Variants in CLIP4 observed in about 807,000 individuals in gnomAD.
The protein encoded by CLIP4 is CAP-Gly domain containing linker protein family member 4.
A neutral mutation model predicts 73.1 loss-of-function variants in CLIP4; 47 were observed. The observed-to-expected ratio is 0.64, with a 90% CI of 0.51 to 0.82. The LOEUF (loss-of-function observed/expected upper bound fraction) is 0.82. CLIP4 is among the 40% of genes least tolerant of loss of function. The pLI is 0.00. For missense variants in CLIP4, 874 were observed against 852.9 expected, an observed-to-expected ratio of 1.02 and a Z score of -0.31; for synonymous variants, 306 against 295.4, an observed-to-expected ratio of 1.04 and a Z score of -0.37.
chr2:29,140,663 C>G (rs1032431546), intron 6 of CLIP4, among the ~76,000 whole-genome samples: 1 of 152,152 alleles, frequency 6.6e-6, no homozygotes, highest in South Asian at 2.1e-4. Context: ...ACACTGACTT[C>G]CACAATGGTT....
In CLIP4 at chr2:29,174,415, A is replaced by G; in HGVS notation, c.1766A>G (p.Lys589Arg). 6.2e-7 allele frequency: 1 copy of G among 1,612,574 alleles called. No homozygotes were observed. Among genetic ancestry groups the G allele is most frequent in the Non-Finnish European group, 8.5e-7 (1 of 1,179,692 alleles). The stretch of plus-strand genomic sequence containing the variant: ...AGCACAACTTCTGCTTCTTCCCAAA[A>G]GGAGATTAACAGAAGAAATGCTTTT... ...SFSTTSASSQ[K>R]EINRRNAFSK... The change falls in exon 15 of 16, where the codon AAG (lysine) becomes AGG (arginine). Residue 589 changes from lysine (K) to arginine (R), a missense_variant. Transcript: ENST00000320081.
intron 14 of CLIP4, among the ~76,000 whole-genome samples, chr2:29,168,765 G>A (rs1486172154): frequency 3.3e-5 from 5 of 151,476 alleles, no homozygotes; most frequent in East Asian, 1.9e-4. Flanking sequence ...CTCATGATCC[G>A]CCTGCCTTGG....
At chr2:29,113,490 A>G (rs1177931378), upstream of CLIP4, among the ~76,000 whole-genome samples, 2 of 152,234 alleles carry the variant, frequency 1.3e-5, no homozygotes, top group Non-Finnish European at 2.9e-5. This position sits in a 1 kb window ranked among gnomAD's most constrained non-coding sequence, Gnocchi z 4.0. Context: ...GCATGACTCC[A>G]ACGAGCACTT....
intron 1 of CLIP4, among the ~76,000 whole-genome samples, chr2:29,107,779 T>C (rs1369918259): frequency 6.6e-6 from 1 of 151,156 alleles, no homozygotes; most frequent in Non-Finnish European, 1.5e-5. Context: ...CTCTATCTCC[T>C]GGGCTCAAGC....
chr2:29,161,196 A>C (rs567965158), intron 12 of CLIP4, among the ~76,000 whole-genome samples: 1 of 152,086 alleles, frequency 6.6e-6, no homozygotes. Context: ...CTGGTCTCGA[A>C]CTCCCAAACT....
chr2:29,103,250 ATTAC>A (rs1428823319), intron 1 of CLIP4, among the ~76,000 whole-genome samples: 1 of 152,032 alleles, frequency 6.6e-6, no homozygotes, highest in Non-Finnish European at 1.5e-5. Flanking sequence ...TATACTAAAA[ATTAC>A]TTATTATTTA....
chr2:29,157,891 A>G (rs1667032108), intron 11 of CLIP4, among the ~76,000 whole-genome samples: 1 of 152,252 alleles, frequency 6.6e-6, no homozygotes, highest in African/African-American at 2.4e-5. Context: ...ATTTGCCTAT[A>G]TAGCGAACTT....
intron 2 of CLIP4, among the ~76,000 whole-genome samples, chr2:29,122,593 T>C (rs951765492): frequency 2.6e-5 from 4 of 152,048 alleles, no homozygotes; most frequent in Non-Finnish European, 5.9e-5. Context: ...AATAAATACA[T>C]TGAATGAAAG....
At chr2:29,132,509 C>T (rs1335906653) in intron 4 of CLIP4, 1 of 399,616 alleles carries the variant, frequency 2.5e-6, no homozygotes, top group Non-Finnish European at 4.4e-6. Flanking sequence ...ACTAGTAACA[C>T]CCTAAAATCT....
Position 29,109,368 on chromosome 2 carries a change from A to G in CLIP4, c.-16+11421A>G, listed in dbSNP as rs994811337. On this transcript the variant is annotated intron_variant, in intron 1 of 14. Transcript: ENST00000401605. ...TTATGTAGGCTTTAAGAAGACTTCA[A>G]TTTTTTTTAAAAAATAAAAATACAT... 2.6e-5 allele frequency among the ~76,000 whole-genome samples: 4 copies of G among 152,128 alleles called. No homozygotes were observed. The East Asian group carries it at 7.7e-4, about 29-fold the overall frequency.
chr2:29,175,968 A>G (rs558338462), intron 15 of CLIP4, among the ~76,000 whole-genome samples: 3 of 152,172 alleles, frequency 2.0e-5, no homozygotes, highest in South Asian at 2.1e-4. Flanking sequence ...TCACTGTGTT[A>G]GCCAGGATGG....
In CLIP4 at chr2:29,122,127, A is replaced by C. The variant is rs926078202; in HGVS notation, c.133+606A>C. Among the ~76,000 whole-genome samples, 5 of 152,312 alleles carry C rather than the reference A, an allele frequency of 3.3e-5. No individual in the cohort carries two copies. In the Middle Eastern group the frequency reaches 0.017, roughly 518 times the overall value. On this transcript the variant is annotated intron_variant, in intron 2 of 15. Coordinates refer to ENST00000320081, the MANE Select transcript of CLIP4 (RefSeq NM_024692.6). ...TTTCAAATTGTTTTTGGAGGTAGAG[A>C]TCATACAATTTTTACATATTAGTAG...
rs1440466167 is a variant in CLIP4, at chr2:29,157,335, A to G, written c.1387A>G (p.Arg463Gly). 1 of 1,614,104 alleles carries G rather than the reference A, an allele frequency of 6.2e-7. No individual in the cohort carries two copies. The highest frequency in any genetic ancestry group is 8.5e-7 in the Non-Finnish European group (1 of 1,179,932). The change falls in exon 11 of 16, where the codon AGA (arginine) becomes GGA (glycine). Residue 463 changes from arginine (R) to glycine (G), a missense_variant. Physicochemically the swap from Arg to Gly is moderately radical, Grantham distance 125 (BLOSUM62 -2). Coordinates refer to ENST00000320081, the MANE Select transcript of CLIP4 (RefSeq NM_024692.6). ...GAGCAAAAGCCCTTCCCTTTCATCCAGAGCCAGTGCTGGTATCTATGGCTT... is the reference window on the plus strand; with the variant it reads ...GAGCAAAAGCCCTTCCCTTTCATCCGGAGCCAGTGCTGGTATCTATGGCTT... ...TMSKSPSLSSRASAGLNSSAT... is the reference protein window; with the variant it reads ...TMSKSPSLSSGASAGLNSSAT...
intron 14 of CLIP4, among the ~76,000 whole-genome samples, chr2:29,169,294 C>G (rs1329091990): frequency 1.3e-5 from 2 of 150,484 alleles, no homozygotes; most frequent in Non-Finnish European, 3.0e-5. Flanking sequence ...TGTAGATGGC[C>G]TTCTATCTCT....
chr2:29,100,379 A>T (rs1455344732), intron 1 of CLIP4, among the ~76,000 whole-genome samples: 1 of 152,200 alleles, frequency 6.6e-6, no homozygotes, highest in Non-Finnish European at 1.5e-5. Context: ...TTTATTTTTA[A>T]GTTTATAGAA....
At chr2:29,131,515 T>G (rs963345395) in intron 3 of CLIP4, 118 bp downstream of exon 3, 1 of 1,084,560 alleles carries the variant, frequency 9.2e-7, no homozygotes, top group Non-Finnish European at 1.3e-6. Flanking sequence ...GTTCTGATAT[T>G]TATTTGTATT....
intron 1 of CLIP4, among the ~76,000 whole-genome samples, chr2:29,119,163 A>G (rs1465495503): frequency 6.6e-6 from 1 of 152,254 alleles, no homozygotes; most frequent in African/African-American, 2.4e-5. Flanking sequence ...GTAATATTGT[A>G]GCTTCTTCTG....
Position 29,129,946 on chromosome 2 carries a change from G to T in CLIP4, c.134-1312G>T, listed in dbSNP as rs1424083201. The T allele has an allele frequency of 1.1e-5, 5 of 469,880 alleles. No homozygotes were observed. The Admixed American group carries it at 1.2e-4, about 11-fold the overall frequency. The allele number at this position is 469,880 out of a possible 1,614,324, so 29.1% of individuals were successfully genotyped here. A position where few individuals can be genotyped will look rare whatever the true frequency, so the allele number is the denominator to read the frequency against. ...ATCTTTGCATTAGATTCTCTGAAAG[G>T]TCTTAACTATTAAGGATTCTTTTTT... is the stretch of plus-strand genomic sequence containing the variant. On this transcript the variant is annotated intron_variant, in intron 2 of 15. Transcript: ENST00000320081.
chr2:29,159,796 T>G (rs1667171744), intron 11 of CLIP4, among the ~76,000 whole-genome samples: 1 of 152,194 alleles, frequency 6.6e-6, no homozygotes, highest in Non-Finnish European at 1.5e-5. Context: ...GAATAGAAAT[T>G]GTCAAACTAT....
Sources: allele counts gnomAD v4.1 joint callset (sites outside exome capture counted in the v4.1 genomes callset), GRCh38; gene constraint gnomAD v4.1.1; non-coding constraint Gnocchi (gnomAD v3.1); transcripts MANE v1.5; gene names NCBI Gene and HGNC (gene_info 2026-07-23, HGNC 2026-07-21).